The following SHISA9 variants were observed in gnomAD, a reference collection of about 807,000 sequenced individuals.
The protein encoded by SHISA9 is shisa family member 9, also known as protein shisa-9.
SHISA9 carries 13 observed loss-of-function variants against 38.0 expected under a neutral mutation model. That is an observed-to-expected ratio of 0.34 (90% CI 0.22 to 0.54). The LOEUF (loss-of-function observed/expected upper bound fraction) is 0.54, where lower values mean the gene tolerates loss of function less well. Ranked by LOEUF, SHISA9 falls within the 20% of genes least tolerant of loss-of-function variation. SHISA9 has a pLI of 0.91. For missense variants in SHISA9, 538 were observed against 575.8 expected (o/e 0.93, Z 0.67); for synonymous variants, 275 against 242.0 (o/e 1.14, Z -1.27).
chr16:13,506,305 AC>A, the SHISA9 span, among the ~76,000 whole-genome samples: 28 of 152,184 alleles, frequency 1.8e-4, no homozygotes, highest in Non-Finnish European at 3.8e-4. Flanking sequence ...TCAGAGAACA[AC>A]AAAAAGACAA....
chr16:13,024,589 G>A (rs2072898306), intron 2 of SHISA9, among the ~76,000 whole-genome samples: 1 of 152,218 alleles, frequency 6.6e-6, no homozygotes, highest in Admixed American at 6.5e-5. Context: ...GAGAGGCAGT[G>A]TACTGTGATA....
At chr16:13,409,010 C>G in the SHISA9 span, among the ~76,000 whole-genome samples, 1,447 of 152,318 alleles carry the variant, frequency 9.5e-3, 32 homozygotes, top group African/African-American at 0.033. Flanking sequence ...ACCCCACTAT[C>G]CTGTACCCGT....
At chr16:12,928,640 G>A (rs1241974515) in intron 2 of SHISA9, among the ~76,000 whole-genome samples, 1 of 152,186 alleles carries the variant, frequency 6.6e-6, no homozygotes, top group Non-Finnish European at 1.5e-5. Flanking sequence ...TCCAAAGGAA[G>A]CCCTTTGAAA....
chr16:13,083,068 A>G (rs989997866), intron 2 of SHISA9, among the ~76,000 whole-genome samples: 19 of 152,300 alleles, frequency 1.2e-4, no homozygotes, highest in Non-Finnish European at 2.6e-4. Context: ...TGATGTGCCA[A>G]GTAAGCCTGT....
intron 2 of SHISA9, among the ~76,000 whole-genome samples, chr16:13,041,713 C>G (rs2073133681): frequency 6.6e-6 from 1 of 152,100 alleles, no homozygotes; most frequent in African/African-American, 2.4e-5. Flanking sequence ...AGAGCCGTGC[C>G]TGGGCCAGCA....
chr16:13,221,546 A>G (rs759011232), intron 4 of SHISA9, among the ~76,000 whole-genome samples: 3 of 152,162 alleles, frequency 2.0e-5, no homozygotes, highest in Admixed American at 2.0e-4. Context: ...TATATAAGTT[A>G]AATACTGTTT....
chr16:13,473,349 C>CTTTTTTTTTTTTTTTTTT, the SHISA9 span, among the ~76,000 whole-genome samples: 34 of 73,886 alleles, frequency 4.6e-4, no homozygotes, highest in South Asian at 1.2e-3. Flanking sequence ...TTCTTTCTTT[C>CTTTTTTTTTTTTTTTTTT]TTTTTTTTTT....
At chr16:13,230,833 G>A (rs11864853) in intron 4 of SHISA9, among the ~76,000 whole-genome samples, 5 of 152,106 alleles carry the variant, frequency 3.3e-5, no homozygotes, top group East Asian at 3.9e-4. Context: ...TTTATGCCTC[G>A]CCTTTTTCGA....
intron 2 of SHISA9, among the ~76,000 whole-genome samples, chr16:13,143,089 C>A (rs2050416396): frequency 6.6e-6 from 1 of 151,418 alleles, no homozygotes; most frequent in Non-Finnish European, 1.5e-5. Flanking sequence ...TCACTGCAAC[C>A]TCTGCCTCCC....
At chr16:13,179,195 T>C (rs913666463) in intron 2 of SHISA9, among the ~76,000 whole-genome samples, 1 of 152,188 alleles carries the variant, frequency 6.6e-6, no homozygotes, top group Non-Finnish European at 1.5e-5. Context: ...GGCAGGTGCC[T>C]GTAATCCCAC....
chr16:13,000,809 G>A lies in SHISA9; in HGVS notation c.691+83994G>A, dbSNP rs373028518. Among the ~76,000 whole-genome samples the A allele has an allele frequency of 1.2e-4, 18 of 152,286 alleles. No homozygotes were observed. The East Asian group carries it at 3.5e-3, about 29-fold the overall frequency. The stretch of plus-strand genomic sequence containing the variant: ...CCTTGGCATTTAAACTCAGACACTT[G>A]GAACAAGCTGTATAAGACTGAGAGG... On this transcript the variant is annotated intron_variant, in intron 2 of 4. Transcript: ENST00000558583.
the SHISA9 span, among the ~76,000 whole-genome samples, chr16:13,324,238 T>C: frequency 6.6e-6 from 1 of 152,244 alleles, no homozygotes; most frequent in African/African-American, 2.4e-5. Flanking sequence ...TATTCCTTTA[T>C]AGAACGCAGA....
intron 2 of SHISA9, among the ~76,000 whole-genome samples, chr16:12,941,742 T>C (rs949182346): frequency 2.6e-5 from 4 of 151,950 alleles, no homozygotes; most frequent in African/African-American, 9.7e-5. Flanking sequence ...TCGCAGCTAC[T>C]TGGGAGGCTG....
the SHISA9 span, among the ~76,000 whole-genome samples, chr16:13,353,068 G>A: frequency 6.6e-6 from 1 of 152,114 alleles, no homozygotes; most frequent in African/African-American, 2.4e-5. Flanking sequence ...GAAGTGTTGG[G>A]GCGGCGAAAA....
downstream of SHISA9, among the ~76,000 whole-genome samples, chr16:13,243,376 T>C (rs1003446272): frequency 6.6e-6 from 1 of 152,232 alleles, no homozygotes; most frequent in Admixed American, 6.5e-5. Context: ...TAGGGAGACA[T>C]GAGACATCAA....
chr16:12,979,088 C>T (rs2072206389), intron 2 of SHISA9, among the ~76,000 whole-genome samples: 1 of 152,200 alleles, frequency 6.6e-6, no homozygotes, highest in Admixed American at 6.5e-5. Context: ...GTGGATTCTA[C>T]ATTGCATTAA....
At chr16:13,369,304 A>AC in the SHISA9 span, among the ~76,000 whole-genome samples, 1 of 152,190 alleles carries the variant, frequency 6.6e-6, no homozygotes, top group Admixed American at 6.5e-5. Context: ...GAGATTAGGA[A>AC]CACTACAAAG....
rs375891428 is a variant in SHISA9, at chr16:13,025,394, C to A, written c.691+108579C>A. ...TATTCACAAAGCTTTCATGTGATTC[C>A]GATGATGCTTAGGTTGAAACACCAC... is the stretch of plus-strand genomic sequence containing the variant. On this transcript the variant is annotated intron_variant, in intron 2 of 4. Coordinates refer to ENST00000558583, the MANE Select transcript of SHISA9 (RefSeq NM_001145204.3). Among the ~76,000 whole-genome samples, 60 of 152,312 alleles carry A rather than the reference C, an allele frequency of 3.9e-4. 1 individual carries two copies. The highest frequency in any genetic ancestry group is 1.4e-3 in the African/African-American group (58 of 41,566).
At chr16:13,256,769 C>T in the SHISA9 span, among the ~76,000 whole-genome samples, 5 of 152,162 alleles carry the variant, frequency 3.3e-5, no homozygotes, top group African/African-American at 7.2e-5. Context: ...TTTTACTACA[C>T]GGTGTTGCCT....
Sources: gnomAD v4.1 joint callset for allele counts (sites outside exome capture counted in the v4.1 genomes callset) on GRCh38, gnomAD v4.1.1 for gene constraint, MANE v1.5 for transcripts, NCBI Gene and HGNC (gene_info 2026-07-23, HGNC 2026-07-21) for gene names.